The following XIRP2 variants were observed in gnomAD, a reference collection of about 807,000 sequenced individuals.
XIRP2 encodes the protein xin actin-binding repeat-containing protein 2.
A neutral mutation model predicts 277.0 loss-of-function variants in XIRP2; 236 were observed. The observed-to-expected ratio is 0.85, with a 90% CI of 0.77 to 0.95. The LOEUF (loss-of-function observed/expected upper bound fraction) is 0.95, where lower values mean the gene tolerates loss of function less well. Among genes scored for constraint, XIRP2 ranks in the 40% least tolerant of loss-of-function variants. The pLI is 0.00. For synonymous variants in XIRP2, 1,490 were observed against 1,416.5 expected (o/e 1.05, Z -1.17); for missense variants, 4,640 against 4,157.5 (o/e 1.12, Z -3.19).
rs186257471 is a variant in XIRP2, at chr2:167,239,865, A to G, written c.869A>G (p.His290Arg). The change falls in exon 6 of 11, where the codon CAT becomes CGT. Residue 290 changes from histidine (H) to arginine (R), a missense_variant. By Grantham distance (29) the His-to-Arg change is conservative (BLOSUM62 0). Coordinates refer to ENST00000409195, the MANE Select transcript of XIRP2 (RefSeq NM_152381.6). ...HQNRSEQEAI[H>R]SSQVGTSRSS... is the part of the protein sequence containing the mutation. ...TCTGTGTGCTTTCAGGAGGCAATTC[A>G]TAGCAGCCAGGTTGGCACTTCAAGA... is the stretch of plus-strand genomic sequence containing the variant. 2.1e-4 allele frequency: 338 copies of G among 1,608,470 alleles called. 4 individuals carry two copies. In the African/African-American group the frequency reaches 3.6e-3, roughly 17 times the overall value.
chr2:167,083,229 G>A (rs1689801403), intron 2 of XIRP2, among the ~76,000 whole-genome samples: 1 of 151,958 alleles, frequency 6.6e-6, no homozygotes, highest in South Asian at 2.1e-4. Flanking sequence ...GCTTTTCTCA[G>A]GTTTGTCAAA....
intron 3 of XIRP2, among the ~76,000 whole-genome samples, chr2:167,184,890 A>G (rs1364136193): frequency 6.6e-6 from 1 of 152,160 alleles, no homozygotes; most frequent in Non-Finnish European, 1.5e-5. Context: ...GATAGGGAGT[A>G]AAATTTTCAA....
In XIRP2 at chr2:167,251,462, AG is replaced by A. The variant is rs1292298551; in HGVS notation, c.10073del (p.Gly3358GlufsTer21). The A allele has an allele frequency of 3.7e-6, 6 of 1,613,522 alleles. No individual in the cohort carries two copies. Among genetic ancestry groups the A allele is most frequent in the Non-Finnish European group, 5.1e-6 (6 of 1,179,688 alleles). ...AAGTCAAATAGAAGAGTTTATGCAA[AG>A]GGAGAAACAAACCATAACATACAAC... is the stretch of plus-strand genomic sequence containing the variant. ...EAKSNRRVYA[K>X]GETNHNIQQE... On this transcript the variant is annotated frameshift_variant, in exon 9 of 11. Coordinates refer to ENST00000409195, the MANE Select transcript of XIRP2 (RefSeq NM_152381.6). LOFTEE classifies it high-confidence loss of function.
intron 2 of XIRP2, among the ~76,000 whole-genome samples, chr2:166,939,694 AAAAACAAAAAACAAAAACAAAAAAC>A (rs1685638788): frequency 7.4e-6 from 1 of 134,576 alleles, no homozygotes; most frequent in African/African-American, 2.8e-5. Flanking sequence ...AAAAAAAAAA[AAAAACAAAAAACAAAAACAAAAAAC>A]AAAACAAAAA....
At chr2:166,923,727 G>GT (rs1474018640) in intron 2 of XIRP2, among the ~76,000 whole-genome samples, 1 of 152,048 alleles carries the variant, frequency 6.6e-6, no homozygotes, top group Non-Finnish European at 1.5e-5. Context: ...TTGCAAAGCA[G>GT]TTTTTTTCTA....
chr2:167,164,983 G>T (rs928761805), intron 3 of XIRP2, among the ~76,000 whole-genome samples: 3 of 152,040 alleles, frequency 2.0e-5, no homozygotes, highest in Admixed American at 2.0e-4. Context: ...TTTATATCCT[G>T]CCTGTTTATC....
In XIRP2 at chr2:167,248,452, A is replaced by T; in HGVS notation, c.7060A>T (p.Lys2354Ter). Residue 2354 changes from lysine (K) to a stop codon, truncating the protein, a stop_gained, in exon 9 of 11, where the codon AAA (lysine) becomes TAA (stop). Coordinates refer to ENST00000409195, the MANE Select transcript of XIRP2 (RefSeq NM_152381.6). LOFTEE classifies it high-confidence loss of function. Reference sequence around the variant, plus strand: ...TCTTCCTCCACCTCCAGTAGATGAGAAATCTGAAAGAGAAAGTTCATCGAT... The same window carrying T: ...TCTTCCTCCACCTCCAGTAGATGAGTAATCTGAAAGAGAAAGTTCATCGAT... ...LPLPPPPVDE[K>*]SERESSSMFL... 4 of 1,613,706 alleles carry T rather than the reference A, an allele frequency of 2.5e-6. No individual in the cohort carries two copies. The highest frequency in any genetic ancestry group is 2.5e-6 in the Non-Finnish European group (3 of 1,179,774).
chr2:167,241,772 T>C lies in XIRP2; in HGVS notation c.1043-5T>C, dbSNP rs1250563707. ...AGTAACCCTGGTGTGTTTTTCTGTTTGTAGTCATTGATACACCTGAGGATG... is the reference window on the plus strand; with the variant it reads ...AGTAACCCTGGTGTGTTTTTCTGTTCGTAGTCATTGATACACCTGAGGATG... On this transcript the variant is annotated splice_polypyrimidine_tract_variant and splice_region_variant and intron_variant, in intron 7 of 10. Transcript: ENST00000409195. 4 of 1,600,022 alleles carry C rather than the reference T, an allele frequency of 2.5e-6. No individual in the cohort carries two copies. The highest frequency in any genetic ancestry group is 2.6e-6 in the Non-Finnish European group (3 of 1,175,220).
chr2:167,018,345 T>C (rs1329432432), intron 2 of XIRP2, among the ~76,000 whole-genome samples: 1 of 152,022 alleles, frequency 6.6e-6, no homozygotes, highest in African/African-American at 2.4e-5. Flanking sequence ...CTTAATACTA[T>C]TTGTGTTAGT....
At chr2:167,109,962 T>G (rs1055511941) in intron 2 of XIRP2, among the ~76,000 whole-genome samples, 1 of 152,210 alleles carries the variant, frequency 6.6e-6, no homozygotes, top group Non-Finnish European at 1.5e-5. Flanking sequence ...GTTGGCCACA[T>G]GTATGTCTTC....
At chr2:167,217,273 T>TA (rs1164294976) in intron 4 of XIRP2, among the ~76,000 whole-genome samples, 2 of 135,562 alleles carry the variant, frequency 1.5e-5, no homozygotes, top group Non-Finnish European at 3.0e-5. Flanking sequence ...CCCTAAAACT[T>TA]AAAGTATAAT....
chr2:167,199,888 C>T (rs1299558951), intron 3 of XIRP2, among the ~76,000 whole-genome samples: 1 of 151,678 alleles, frequency 6.6e-6, no homozygotes, highest in Non-Finnish European at 1.5e-5. Context: ...AGGAAAAGCA[C>T]AAATGAAGCG....
intron 2 of XIRP2, among the ~76,000 whole-genome samples, chr2:167,059,602 GA>G (rs1349438801): frequency 1.3e-5 from 2 of 152,142 alleles, no homozygotes; most frequent in South Asian, 2.1e-4. Flanking sequence ...AACTTACGGG[GA>G]AATTGTCAGA....
intron 2 of XIRP2, among the ~76,000 whole-genome samples, chr2:167,038,268 AT>A (rs1463788228): frequency 6.6e-6 from 1 of 151,968 alleles, no homozygotes; most frequent in Non-Finnish European, 1.5e-5. Context: ...TTACTTTCTA[AT>A]TTATATATTA....
At position 167,214,222 on chromosome 2, in the gene XIRP2, G is replaced by GGAAGGAAGGA. The variant is rs1559024035; in HGVS notation, c.723+3327_723+3328insGAAGGAAGGA. On this transcript the variant is annotated intron_variant, in intron 4 of 10. Transcript: ENST00000409195. ...AGAGAAAGAGAGGGAGGGAGGGAGG[G>GGAAGGAAGGA]AGGGAGGAAGGAAGGAAGGAAGGAA... is the stretch of plus-strand genomic sequence containing the variant. Among the ~76,000 whole-genome samples, 11 of 68,450 alleles carry GGAAGGAAGGA rather than the reference G, an allele frequency of 1.6e-4. No individual in the cohort carries two copies. In the East Asian group the frequency reaches 2.1e-3, roughly 13 times the overall value. The allele number at this position is 68,450 out of a possible 152,430, so 44.9% of individuals were successfully genotyped here.
chr2:167,134,904 C>T (rs1480066939), intron 2 of XIRP2, among the ~76,000 whole-genome samples: 6 of 152,070 alleles, frequency 3.9e-5, no homozygotes, highest in Admixed American at 6.6e-5. Flanking sequence ...TGATGATTCA[C>T]GTCCTGGGCA....
At chr2:167,093,891 C>T (rs1690220602) in intron 2 of XIRP2, among the ~76,000 whole-genome samples, 2 of 152,150 alleles carry the variant, frequency 1.3e-5, no homozygotes, top group South Asian at 2.1e-4. Flanking sequence ...GGAATCACCA[C>T]TCTGTCTTCC....
intron 2 of XIRP2, among the ~76,000 whole-genome samples, chr2:167,108,006 T>C (rs1690656999): frequency 6.6e-6 from 1 of 151,826 alleles, no homozygotes; most frequent in African/African-American, 2.4e-5. Context: ...TTTGGAATTT[T>C]AAAATTATAA....
At chr2:167,030,245 T>G (rs1442091116) in intron 2 of XIRP2, among the ~76,000 whole-genome samples, 2 of 152,048 alleles carry the variant, frequency 1.3e-5, no homozygotes. Flanking sequence ...TTATTTCTTG[T>G]CTTCCACCAA....
Sources: allele counts gnomAD v4.1 joint callset (sites outside exome capture counted in the v4.1 genomes callset), GRCh38; gene constraint gnomAD v4.1.1; transcripts MANE v1.5; gene names NCBI Gene and HGNC (gene_info 2026-07-23, HGNC 2026-07-21).